CBLIF: variants seen among roughly 807,000 people sequenced by gnomAD.
CBLIF encodes cobalamin binding intrinsic factor, also known as gastric intrinsic factor (vitamin B synthesis).
Under a neutral mutation model 44.9 loss-of-function variants are expected in CBLIF, and 24 were observed. The ratio of observed to expected loss-of-function variants is 0.53; its 90% CI spans 0.39 to 0.75. The LOEUF is 0.75. CBLIF is among the 30% of genes least tolerant of loss of function. The pLI is 0.00. For missense variants in CBLIF, 481 were observed against 513.0 expected (o/e 0.94, Z 0.60); for synonymous variants, 183 against 190.9 (o/e 0.96, Z 0.34).
intron 8 of CBLIF, among the ~76,000 whole-genome samples, chr11:59,830,499 A>T (rs1289145013): frequency 6.6e-6 from 1 of 151,974 alleles, no homozygotes; most frequent in Admixed American, 6.6e-5. Flanking sequence ...GGCCTCCCAA[A>T]GTGAATTACT....
At chr11:59,836,101 A>T (rs763153276) in intron 6 of CBLIF, 92 bp from the exon 7 acceptor site, 8 of 962,896 alleles carry the variant, frequency 8.3e-6, no homozygotes, top group Non-Finnish European at 1.2e-5. Context: ...ACCCCAGAAG[A>T]CATTTTGAGA....
At chr11:59,831,897 A>T in intron 7 of CBLIF, 101 bp from the exon 8 acceptor site, 1 of 718,806 alleles carries the variant, frequency 1.4e-6, no homozygotes, top group Non-Finnish European at 2.6e-6. Flanking sequence ...TAGTTAATTA[A>T]TTTTTTAGAG....
intron 8 of CBLIF, 193 bp downstream of exon 8, chr11:59,831,485 A>G (rs990818716): frequency 2.7e-5 from 6 of 222,960 alleles, no homozygotes; most frequent in Non-Finnish European, 4.9e-5. Flanking sequence ...ATGATTATAT[A>G]TATATATATA....
At position 59,844,149 on chromosome 11, in the gene CBLIF, T is replaced by C. The variant is rs1866577203; in HGVS notation, c.80-94A>G. The C allele has an allele frequency of 1.5e-5, 16 of 1,058,062 alleles. 1 individual carries two copies. The South Asian group carries it at 2.1e-4, about 14-fold the overall frequency. 65.5% of individuals were successfully genotyped at this position (1,058,062 alleles called of 1,614,324 possible). A position where few individuals can be genotyped will look rare whatever the true frequency, so the allele number is the denominator to read the frequency against. On this transcript the variant is annotated intron_variant, in intron 1 of 8. Coordinates refer to ENST00000257248, the MANE Select transcript of CBLIF (RefSeq NM_005142.3). ...CTTTGATGCTTTTTCTTTCTTTCTT[T>C]TTTTTTTGAGACAGTGTTACTCTTG...
chr11:59,843,163 G>A (rs1440768010), intron 2 of CBLIF, 22 bp from the exon 3 acceptor site: 14 of 1,446,332 alleles, frequency 9.7e-6, no homozygotes, highest in Non-Finnish European at 1.4e-5. Context: ...AGAACACAAC[G>A]GTTAGACAGA....
intron 5 of CBLIF, among the ~76,000 whole-genome samples, chr11:59,839,604 C>T (rs1866497127): frequency 6.6e-6 from 1 of 152,054 alleles, no homozygotes; most frequent in Admixed American, 6.6e-5. Flanking sequence ...ATATTAGACA[C>T]CTATTGATTC....
rs2135079787 is a variant in CBLIF at position 59,829,347 on chromosome 11, A to AT, written c.*136dup. Reference sequence around the variant, plus strand: ...AGTGAACTTTGCATTTTTATTCTACATAGTGGTTCTCCATGTTTTTACCAG... The same window carrying AT: ...AGTGAACTTTGCATTTTTATTCTACATTAGTGGTTCTCCATGTTTTTACCAG... On this transcript the variant is annotated 3_prime_UTR_variant, in exon 9 of 9. Transcript: ENST00000257248. 1 of 690,368 alleles carries AT rather than the reference A, an allele frequency of 1.4e-6. No homozygotes were observed. Among genetic ancestry groups the AT allele is most frequent in the South Asian group, 1.5e-5 (1 of 66,286 alleles). The allele number at this position is 690,368 out of a possible 1,614,324, so 42.8% of individuals were successfully genotyped here.
At chr11:59,834,291 TCTTTCTTTCTTTCTTTCTTTCTTC>T (rs1866419263) in intron 7 of CBLIF, among the ~76,000 whole-genome samples, 5 of 139,056 alleles carry the variant, frequency 3.6e-5, no homozygotes, top group Non-Finnish European at 6.1e-5. Flanking sequence ...TTTCTTTCTT[TCTTTCTTTCTTTCTTTCTTTCTTC>T]CTTCCTTCCT....
chr11:59,833,917 G>A (rs115387125), intron 7 of CBLIF, among the ~76,000 whole-genome samples: 163 of 152,248 alleles, frequency 1.1e-3, no homozygotes, highest in African/African-American at 3.8e-3. Flanking sequence ...CCTACCTTGA[G>A]AGGGGCATGG....
chr11:59,829,516 C>T lies in CBLIF; in HGVS notation c.1222G>A (p.Glu408Lys), dbSNP rs993761602. Residue 408 changes from glutamate to lysine, a missense_variant, in exon 9 of 9, where the codon GAG becomes AAG. Transcript: ENST00000257248. ...TGTGTGAAATTGGCTGTGATGTGCT[C>T]GTGGTTGAAGGGTATGTAGTCAGCA... ...GVADYIPFNH[E>K]HITANFTQY The T allele has an allele frequency of 3.7e-6, 6 of 1,611,584 alleles. No homozygotes were observed. Among genetic ancestry groups the T allele is most frequent in the African/African-American group, 1.3e-5 (1 of 74,962 alleles).
At chr11:59,833,302 A>T (rs1476988802) in intron 7 of CBLIF, among the ~76,000 whole-genome samples, 1 of 152,162 alleles carries the variant, frequency 6.6e-6, no homozygotes, top group African/African-American at 2.4e-5. Flanking sequence ...GGATCACCTG[A>T]GGTCTGGAGT....
chr11:59,845,344 C>T (rs1459018857), intron 1 of CBLIF, 31 bp downstream of exon 1: 1 of 1,608,670 alleles, frequency 6.2e-7, no homozygotes, highest in Admixed American at 1.7e-5. Flanking sequence ...CAACTGCTTC[C>T]CTGACCTCCT....
intron 5 of CBLIF, among the ~76,000 whole-genome samples, chr11:59,838,181 A>G (rs1866478721): frequency 6.6e-6 from 1 of 152,104 alleles, no homozygotes; most frequent in South Asian, 2.1e-4. Context: ...CTTGAGCTAA[A>G]AGGATTTGGG....
chr11:59,842,505 G>T lies in CBLIF; in HGVS notation c.449C>A (p.Thr150Asn). 6.2e-7 allele frequency: 1 copy of T among 1,613,906 alleles called. No homozygotes were observed. The highest frequency in any genetic ancestry group is 1.1e-5 in the South Asian group (1 of 91,066). Residue 150 changes from threonine to asparagine, a missense_variant, in exon 4 of 9, where the codon ACC (threonine) becomes AAC (asparagine). By Grantham distance (65) the Thr-to-Asn change is moderately conservative. Transcript: ENST00000257248. ...GGCAAAGCGGACGGCTATCGGCAAGGTCGCCTCAGAGTTCTTCTGGCACAG... is the reference window on the plus strand; with the variant it reads ...GGCAAAGCGGACGGCTATCGGCAAGTTCGCCTCAGAGTTCTTCTGGCACAG... ...LALCQKNSEA[T>N]LPIAVRFAKT...
intron 7 of CBLIF, among the ~76,000 whole-genome samples, chr11:59,832,537 C>G (rs1404137165): frequency 6.6e-6 from 1 of 152,110 alleles, no homozygotes; most frequent in Non-Finnish European, 1.5e-5. Context: ...CCTGCAATCC[C>G]AGCACTTTGG....
At chr11:59,831,297 G>A (rs377515960) in intron 8 of CBLIF, among the ~76,000 whole-genome samples, 8 of 152,076 alleles carry the variant, frequency 5.3e-5, no homozygotes, top group African/African-American at 1.7e-4. Flanking sequence ...TAAATTTTGA[G>A]TGAAACTTTT....
intron 7 of CBLIF, among the ~76,000 whole-genome samples, chr11:59,833,831 T>G (rs761175791): frequency 2.6e-5 from 4 of 152,228 alleles, no homozygotes; most frequent in African/African-American, 9.6e-5. Context: ...GTTTCTTTAC[T>G]GCTTCCTCTT....
rs796064508 is a variant in CBLIF at position 59,843,052 on chromosome 11, G to A, written c.346C>T (p.Gln116Ter). The change falls in exon 3 of 9, where the codon CAA (glutamine) becomes TAA (stop). Residue 116 changes from glutamine to a stop codon, truncating the protein, a stop_gained. Coordinates refer to ENST00000257248, the MANE Select transcript of CBLIF (RefSeq NM_005142.3). LOFTEE classifies it high-confidence loss of function. ...CTGGAAGGTGCCCAGTTCTCCATTTGTCTTTGTAGAATGGATACTTTATCC... is the reference window on the plus strand; with the variant it reads ...CTGGAAGGTGCCCAGTTCTCCATTTATCTTTGTAGAATGGATACTTTATCC... Reference protein sequence around the residue: ...PGDKVSILQRQMENWAPSSPN... With the variant: ...PGDKVSILQR 1.2e-6 allele frequency: 2 copies of A among 1,608,336 alleles called. No individual in the cohort carries two copies. Among genetic ancestry groups the A allele is most frequent in the Non-Finnish European group, 1.7e-6 (2 of 1,175,228 alleles).
chr11:59,844,440 C>G (rs1391612218), intron 1 of CBLIF, among the ~76,000 whole-genome samples: 1 of 152,074 alleles, frequency 6.6e-6, no homozygotes. Context: ...GCCTGGCCAT[C>G]TTTGATGCCT....
Sources: allele counts gnomAD v4.1 joint callset (sites outside exome capture counted in the v4.1 genomes callset), GRCh38; gene constraint gnomAD v4.1.1; transcripts MANE v1.5; gene names NCBI Gene and HGNC (gene_info 2026-07-23, HGNC 2026-07-21).